The following FNIP1 variants were observed in gnomAD, a reference collection of about 807,000 sequenced individuals.
FNIP1 encodes the protein folliculin-interacting protein 1.
Under a neutral mutation model 124.5 loss-of-function variants are expected in FNIP1, and 40 were observed. The ratio of observed to expected loss-of-function variants is 0.32; its 90% CI spans 0.25 to 0.42. The LOEUF is 0.42. FNIP1 is among the 10% of genes least tolerant of loss of function. FNIP1 has a pLI of 1.00. For missense variants in FNIP1, 1,176 were observed against 1,403.7 expected, an observed-to-expected ratio of 0.84 and a Z score of 2.59; for synonymous variants, 472 against 470.6, an observed-to-expected ratio of 1.00 and a Z score of -0.04.
At chr5:131,713,642 C>G (rs1769374461) in intron 6 of FNIP1, among the ~76,000 whole-genome samples, 1 of 152,182 alleles carries the variant, frequency 6.6e-6, no homozygotes, top group Non-Finnish European at 1.5e-5. Flanking sequence ...ACTGAACATG[C>G]CTAAACCTAA....
At chr5:131,687,463 T>TA (rs1269584480) in intron 11 of FNIP1, among the ~76,000 whole-genome samples, 6 of 152,320 alleles carry the variant, frequency 3.9e-5, no homozygotes, top group South Asian at 2.1e-4. Flanking sequence ...AATGTATTCT[T>TA]ACATTAAAAT....
intron 3 of FNIP1, among the ~76,000 whole-genome samples, chr5:131,720,347 A>C (rs1769617537): frequency 6.6e-6 from 1 of 152,222 alleles, no homozygotes; most frequent in Non-Finnish European, 1.5e-5. Context: ...AATCAACTGA[A>C]TATAGATTAA....
At position 131,642,373 on chromosome 5, in the gene FNIP1, G is replaced by A. The variant is rs1258360926; in HGVS notation, c.*2312C>T. 1 of 152,236 alleles carries A rather than the reference G, an allele frequency of 6.6e-6. No individual in the cohort carries two copies. The highest frequency in any genetic ancestry group is 1.5e-5 in the Non-Finnish European group (1 of 68,012). 9.4% of individuals were successfully genotyped at this position (152,236 alleles called of 1,614,324 possible). ...AAACAGTAACTCAGGAATCCTATAA[G>A]GATTAATGATTCTTTAAGAAACTAT... On this transcript the variant is annotated 3_prime_UTR_variant, in exon 18 of 18. Transcript: ENST00000510461.
intron 16 of FNIP1, among the ~76,000 whole-genome samples, chr5:131,648,896 G>A (rs1766967279): frequency 6.6e-6 from 1 of 152,156 alleles, no homozygotes; most frequent in South Asian, 2.1e-4. Context: ...TCATATAAGT[G>A]GAATCATACA....
chr5:131,761,741 A>G (rs542595627), intron 1 of FNIP1, among the ~76,000 whole-genome samples: 1 of 152,162 alleles, frequency 6.6e-6, no homozygotes, highest in African/African-American at 2.4e-5. Context: ...GACATTCTTG[A>G]CAGGAATAGA....
chr5:131,739,835 A>AAAAC (rs1770454819), intron 2 of FNIP1, among the ~76,000 whole-genome samples: 1 of 149,284 alleles, frequency 6.7e-6, no homozygotes. Flanking sequence ...AAAAAAAAAA[A>AAAAC]AACACTGTTT....
intron 2 of FNIP1, among the ~76,000 whole-genome samples, chr5:131,732,404 C>A (rs1770126012): frequency 6.6e-6 from 1 of 152,174 alleles, no homozygotes; most frequent in Non-Finnish European, 1.5e-5. Context: ...GGTCCTTGCC[C>A]ATGCCTATGT....
At chr5:131,778,917 A>G (rs1360164883) in intron 1 of FNIP1, among the ~76,000 whole-genome samples, 2 of 120,728 alleles carry the variant, frequency 1.7e-5, no homozygotes, top group Non-Finnish European at 3.4e-5. Flanking sequence ...AACACCGCAT[A>G]TTCTCACTCA....
At chr5:131,796,560 A>C in intron 1 of FNIP1, 1 of 517,638 alleles carries the variant, frequency 1.9e-6, no homozygotes, top group Non-Finnish European at 3.4e-6. Flanking sequence ...CCGGAGGAGC[A>C]GAGTCGCGCG....
chr5:131,774,642 TCAAGGAGGAAA>T (rs1771742825), intron 1 of FNIP1, among the ~76,000 whole-genome samples: 1 of 152,210 alleles, frequency 6.6e-6, no homozygotes, highest in South Asian at 2.1e-4. Context: ...GTCTCCATGT[TCAAGGAGGAAA>T]GCAAGGTTAG....
At chr5:131,723,881 T>C (rs991746093) in intron 3 of FNIP1, among the ~76,000 whole-genome samples, 2 of 135,940 alleles carry the variant, frequency 1.5e-5, no homozygotes, top group African/African-American at 5.5e-5. Flanking sequence ...CCCCAATAGG[T>C]CCTGGTGTGT....
At chr5:131,741,110 C>T (rs1454760793) in intron 2 of FNIP1, among the ~76,000 whole-genome samples, 1 of 152,124 alleles carries the variant, frequency 6.6e-6, no homozygotes, top group Non-Finnish European at 1.5e-5. Context: ...TATTCCTTTA[C>T]TTTCTTAATA....
intron 11 of FNIP1, among the ~76,000 whole-genome samples, chr5:131,694,054 T>G (rs181464707): frequency 6.6e-6 from 1 of 152,144 alleles, no homozygotes; most frequent in Non-Finnish European, 1.5e-5. Flanking sequence ...TGGCTAAAAT[T>G]GACAAACTGA....
intron 11 of FNIP1, among the ~76,000 whole-genome samples, chr5:131,679,704 T>A (rs970300708): frequency 1.3e-5 from 2 of 152,212 alleles, no homozygotes; most frequent in Non-Finnish European, 2.9e-5. Context: ...CTACATTTTA[T>A]GACTCTCTCA....
chr5:131,679,673 C>T (rs149194072), intron 11 of FNIP1, among the ~76,000 whole-genome samples: 179 of 152,296 alleles, frequency 1.2e-3, no homozygotes, highest in African/African-American at 4.0e-3. Context: ...TTAAGGACAG[C>T]GAGAACAGTA....
chr5:131,718,821 C>T (rs1769556697), intron 5 of FNIP1, among the ~76,000 whole-genome samples, 165 bp downstream of exon 5: 1 of 152,224 alleles, frequency 6.6e-6, no homozygotes, highest in African/African-American at 2.4e-5. Flanking sequence ...TCTCATGTTT[C>T]TCAACTAAAC....
intron 1 of FNIP1, among the ~76,000 whole-genome samples, chr5:131,773,980 A>T (rs1771723931): frequency 6.6e-6 from 1 of 152,196 alleles, no homozygotes; most frequent in Admixed American, 6.5e-5. Context: ...GATGTGCCCA[A>T]CATGTGCTTA....
intron 15 of FNIP1, 151 bp from the exon 16 acceptor site, chr5:131,652,150 C>T: frequency 3.0e-6 from 2 of 670,842 alleles, no homozygotes; most frequent in Non-Finnish European, 5.0e-6. Flanking sequence ...GAATAATTAA[C>T]TCATTAACAA....
intron 15 of FNIP1, among the ~76,000 whole-genome samples, chr5:131,660,933 G>A (rs1767412088): frequency 6.6e-6 from 1 of 152,158 alleles, no homozygotes; most frequent in African/African-American, 2.4e-5. Flanking sequence ...TTGCAGTAGA[G>A]AAATTGTTCC....
Sources: gnomAD v4.1 joint callset for allele counts (sites outside exome capture counted in the v4.1 genomes callset) on GRCh38, gnomAD v4.1.1 for gene constraint, MANE v1.5 for transcripts, NCBI Gene and HGNC (gene_info 2026-07-23, HGNC 2026-07-21) for gene names.